EPB41L1: variants seen among roughly 807,000 people sequenced by gnomAD.
EPB41L1 encodes band 4.1-like protein 1.
A neutral mutation model predicts 97.8 loss-of-function variants in EPB41L1; 29 were observed. The ratio of observed to expected loss-of-function variants is 0.30; its 90% CI spans 0.22 to 0.40. The LOEUF is 0.40. EPB41L1 is among the 10% of genes least tolerant of loss of function. The probability of loss-of-function intolerance (pLI) is 1.00; values close to 1 mark genes in which losing one functional copy is unlikely to be tolerated. For synonymous variants in EPB41L1, 383 were observed against 459.2 expected, an observed-to-expected ratio of 0.83 and a Z score of 2.12; for missense variants, 812 against 1,162.3, an observed-to-expected ratio of 0.70 and a Z score of 4.38.
chr20:36,120,774 G>A (rs1449177130), intron 2 of EPB41L1, among the ~76,000 whole-genome samples: 1 of 151,942 alleles, frequency 6.6e-6, no homozygotes, highest in East Asian at 1.9e-4. Context: ...CTATGTACTG[G>A]GATACAGAGG....
chr20:36,183,060 C>T (rs188552241), intron 6 of EPB41L1, among the ~76,000 whole-genome samples: 2 of 152,326 alleles, frequency 1.3e-5, no homozygotes, highest in Admixed American at 6.5e-5. Context: ...GAGTGCAAAG[C>T]ATCCTTCAGG....
rs756356779 is a variant in EPB41L1 at position 36,197,974 on chromosome 20, G to T, written c.1601G>T (p.Arg534Leu). Residue 534 changes from arginine to leucine, a missense_variant, in exon 14 of 22, where the codon CGG becomes CTG. By Grantham distance (102) the Arg-to-Leu change is moderately radical (BLOSUM62 -2). Transcript: ENST00000338074. ...ATCCACCGGGATCGAGACTGGGAAC[G>T]GGAGCGCAGGCTGCCCTCCTCCCCC... is the stretch of plus-strand genomic sequence containing the variant. ...KLIHRDRDWE[R>L]ERRLPSSPAS... The T allele has an allele frequency of 1.1e-5, 18 of 1,613,958 alleles. No individual in the cohort carries two copies. Among genetic ancestry groups the T allele is most frequent in the Admixed American group, 1.7e-5 (1 of 60,002 alleles).
At chr20:36,164,156 T>C (rs1019602278) in intron 1 of EPB41L1, among the ~76,000 whole-genome samples, 10 of 152,166 alleles carry the variant, frequency 6.6e-5, no homozygotes, top group African/African-American at 2.4e-4. Flanking sequence ...TGCCAGTGTC[T>C]TCTATTGGCC....
chr20:36,172,601 T>TTTTTTC (rs2061040964), intron 1 of EPB41L1, among the ~76,000 whole-genome samples: 1 of 152,196 alleles, frequency 6.6e-6, no homozygotes, highest in Non-Finnish European at 1.5e-5. Context: ...TTTGTTTTTC[T>TTTTTTC]TTTTTCTTTT....
At chr20:36,116,676 T>C (rs1225863523) in intron 2 of EPB41L1, among the ~76,000 whole-genome samples, 1 of 152,192 alleles carries the variant, frequency 6.6e-6, no homozygotes, top group Non-Finnish European at 1.5e-5. Context: ...GGGTTCTCCA[T>C]GTCCTCCCTG....
At chr20:36,174,018 G>C in intron 2 of EPB41L1, 64 bp downstream of exon 2, 1 of 1,534,674 alleles carries the variant, frequency 6.5e-7, no homozygotes, top group Non-Finnish European at 8.9e-7. Context: ...CCAGTTCTTA[G>C]GGCTCCAGTA....
In EPB41L1 at chr20:36,154,882, G is replaced by A. The variant is rs1237037600; in HGVS notation, c.-29G>A. The stretch of plus-strand genomic sequence containing the variant: ...CCTCGCCCAACCTGCCCGACATGGG[G>A]AACCCCGGGCCCAGGTAGGCACATG... On this transcript the variant is annotated 5_prime_UTR_variant, in exon 1 of 22. Coordinates refer to ENST00000338074, the MANE Select transcript of EPB41L1 (RefSeq NM_012156.2). This position sits in a 1 kb window ranked among gnomAD's most constrained non-coding sequence, Gnocchi z 5.5. 6.8e-6 allele frequency: 7 copies of A among 1,023,170 alleles called. No homozygotes were observed. Among genetic ancestry groups the A allele is most frequent in the Non-Finnish European group, 8.2e-6 (7 of 852,770 alleles). 63.4% of individuals were successfully genotyped at this position (1,023,170 alleles called of 1,614,324 possible).
chr20:36,187,806 C>A, intron 8 of EPB41L1, 43 bp downstream of exon 8: 2 of 1,565,522 alleles, frequency 1.3e-6, no homozygotes, highest in Non-Finnish European at 1.8e-6. Context: ...TGGGTGGTGC[C>A]CCCAAAGAAC....
chr20:36,167,278 G>A (rs1012589228), intron 1 of EPB41L1, among the ~76,000 whole-genome samples: 2 of 152,190 alleles, frequency 1.3e-5, no homozygotes, highest in Admixed American at 1.3e-4. Context: ...TGATGGTGGC[G>A]GCTTGGGGAG....
rs117307539 is a variant in EPB41L1 at position 36,144,634 on chromosome 20, G to A, written c.-9-30917G>A. Among the ~76,000 whole-genome samples the A allele has an allele frequency of 4.7e-3, 717 of 152,306 alleles. 1 individual carries two copies. Among genetic ancestry groups the A allele is most frequent in the Non-Finnish European group, 8.1e-3 (554 of 68,020 alleles). On this transcript the variant is annotated intron_variant, in intron 2 of 19. Coordinates refer to the EPB41L1 transcript ENST00000202028. ...GGAAAGGAACTGACCCTCGGGTCCT[G>A]GAGGACAGGAAATAGAATGGCTGAG...
chr20:36,201,884 A>G (rs1430356095), intron 14 of EPB41L1, among the ~76,000 whole-genome samples: 1 of 152,176 alleles, frequency 6.6e-6, no homozygotes, highest in East Asian at 1.9e-4. Context: ...CTGTTGATGT[A>G]TGCTCTCCTC....
intron 1 of EPB41L1, among the ~76,000 whole-genome samples, chr20:36,173,200 T>C (rs1424860706): frequency 6.6e-6 from 1 of 152,216 alleles, no homozygotes; most frequent in African/African-American, 2.4e-5. Flanking sequence ...GTTTTTTTGT[T>C]TTGTTTTGTT....
intron 2 of EPB41L1, among the ~76,000 whole-genome samples, chr20:36,125,208 G>T (rs1208738079): frequency 6.6e-6 from 1 of 152,090 alleles, no homozygotes; most frequent in Non-Finnish European, 1.5e-5. Flanking sequence ...TCTGAGACAG[G>T]CTATTCCTAC....
intron 21 of EPB41L1, among the ~76,000 whole-genome samples, chr20:36,222,997 A>T (rs2063877954): frequency 6.6e-6 from 1 of 152,174 alleles, no homozygotes; most frequent in African/African-American, 2.4e-5. Flanking sequence ...CCTGGGTTTA[A>T]GTGATTCTCT....
At chr20:36,194,663 C>T (rs2062106912) in intron 12 of EPB41L1, among the ~76,000 whole-genome samples, 1 of 152,152 alleles carries the variant, frequency 6.6e-6, no homozygotes, top group South Asian at 2.1e-4. Context: ...TAATTTGCCC[C>T]TCTGACTGGG....
At chr20:36,182,604 T>C (rs1474797516) in intron 6 of EPB41L1, among the ~76,000 whole-genome samples, 1 of 152,124 alleles carries the variant, frequency 6.6e-6, no homozygotes. Context: ...TTTTGTAGAT[T>C]TAAGAGGACA....
intron 2 of EPB41L1, among the ~76,000 whole-genome samples, chr20:36,133,408 C>T (rs2059296268): frequency 6.6e-6 from 1 of 152,252 alleles, no homozygotes. Flanking sequence ...CATGCCATTT[C>T]CCTCTGGATC....
At chr20:36,133,746 A>G (rs562421854) in intron 2 of EPB41L1, among the ~76,000 whole-genome samples, 2 of 151,628 alleles carry the variant, frequency 1.3e-5, no homozygotes, top group South Asian at 2.1e-4. Context: ...GGTCCCAACT[A>G]CTCAGGAGGC....
chr20:36,184,340 A>C (rs964165335), intron 6 of EPB41L1, among the ~76,000 whole-genome samples: 2 of 152,228 alleles, frequency 1.3e-5, no homozygotes, highest in African/African-American at 4.8e-5. Context: ...CTTTTTTTTA[A>C]TACATAGTAA....
Sources: gnomAD v4.1 joint callset for allele counts (sites outside exome capture counted in the v4.1 genomes callset) on GRCh38, gnomAD v4.1.1 for gene constraint, Gnocchi (gnomAD v3.1) non-coding constraint, MANE v1.5 for transcripts, NCBI Gene and HGNC (gene_info 2026-07-23, HGNC 2026-07-21) for gene names.